The following ZFAND6 variants were observed in gnomAD, a reference collection of about 807,000 sequenced individuals.
ZFAND6 encodes zinc finger AN1-type containing 6.
In ZFAND6, 12 loss-of-function variants were observed where a neutral mutation model predicts 24.5. The observed-to-expected ratio is 0.49, with a 90% confidence interval of 0.31 to 0.79. The LOEUF is 0.79. Ranked by LOEUF, ZFAND6 falls within the 30% of genes least tolerant of loss-of-function variation. ZFAND6 has a pLI of 0.04. For synonymous variants in ZFAND6, 92 were observed against 81.5 expected, an observed-to-expected ratio of 1.13 and a Z score of -0.69; for missense variants, 207 against 245.9, an observed-to-expected ratio of 0.84 and a Z score of 1.06.
At chr15:80,090,532 A>G (rs1448032352) in intron 1 of ZFAND6, among the ~76,000 whole-genome samples, 1 of 152,200 alleles carries the variant, frequency 6.6e-6, no homozygotes, top group Non-Finnish European at 1.5e-5. Context: ...TTCTGTTCTT[A>G]CTATTTGTCC....
At chr15:80,103,856 G>A (rs2039166313) in intron 2 of ZFAND6, among the ~76,000 whole-genome samples, 2 of 152,110 alleles carry the variant, frequency 1.3e-5, no homozygotes, top group Middle Eastern at 3.4e-3. Context: ...TATTATTATT[G>A]TTTTTTTAAG....
At chr15:80,103,533 G>A (rs1041830667) in intron 2 of ZFAND6, among the ~76,000 whole-genome samples, 4 of 152,268 alleles carry the variant, frequency 2.6e-5, no homozygotes, top group South Asian at 2.1e-4. Flanking sequence ...ATATCAGCCC[G>A]ACCTCAGATT....
At chr15:80,069,861 C>T (rs1466369651) in intron 1 of ZFAND6, among the ~76,000 whole-genome samples, 2 of 152,104 alleles carry the variant, frequency 1.3e-5, no homozygotes, top group African/African-American at 2.4e-5. Context: ...CCTGCCTCTG[C>T]CTCCGAAAGT....
At chr15:80,121,527 AAATTAAC>A (rs1256738829) in intron 3 of ZFAND6, among the ~76,000 whole-genome samples, 178 bp from the exon 4 acceptor site, 2 of 152,244 alleles carry the variant, frequency 1.3e-5, no homozygotes, top group Non-Finnish European at 2.9e-5. Flanking sequence ...TCTTGGTTTA[AAATTAAC>A]ATATTTTTCA....
At chr15:80,131,466 A>G (rs945030123) in intron 6 of ZFAND6, 173 bp downstream of exon 6, 13 of 500,946 alleles carry the variant, frequency 2.6e-5, no homozygotes, top group Non-Finnish European at 3.8e-5. Flanking sequence ...TATACACCTA[A>G]AAGTGAAATG....
chr15:80,109,825 C>G (rs1241417251), intron 2 of ZFAND6, among the ~76,000 whole-genome samples: 1 of 152,160 alleles, frequency 6.6e-6, no homozygotes, highest in Admixed American at 6.5e-5. Flanking sequence ...AAGAAACTAA[C>G]CCAAAATTCA....
intron 1 of ZFAND6, among the ~76,000 whole-genome samples, chr15:80,079,408 G>A (rs1053317871): frequency 6.6e-5 from 10 of 151,720 alleles, no homozygotes; most frequent in African/African-American, 2.4e-4. Context: ...TTTTAGTAGA[G>A]ACGGGGTTTC....
chr15:80,090,163 A>G (rs538451507), intron 1 of ZFAND6, among the ~76,000 whole-genome samples: 8 of 152,358 alleles, frequency 5.3e-5, no homozygotes, highest in South Asian at 2.1e-4. Context: ...TTACGTAGCT[A>G]TTAAGTAGTA....
chr15:80,131,934 G>T (rs1324227555), intron 6 of ZFAND6, among the ~76,000 whole-genome samples: 1 of 152,192 alleles, frequency 6.6e-6, no homozygotes, highest in Non-Finnish European at 1.5e-5. Context: ...GAATGTTTCA[G>T]TGTGTCTTGA....
chr15:80,120,557 G>A (rs916409538), intron 3 of ZFAND6, 59 bp downstream of exon 3: 24 of 1,359,692 alleles, frequency 1.8e-5, no homozygotes, highest in South Asian at 7.9e-5. Context: ...TGGATATTTC[G>A]GTATACCCAA....
At chr15:80,063,854 A>G (rs2036467983) in intron 1 of ZFAND6, among the ~76,000 whole-genome samples, 1 of 152,044 alleles carries the variant, frequency 6.6e-6, no homozygotes, top group Non-Finnish European at 1.5e-5. Flanking sequence ...CCCGGCCTAA[A>G]TTTTTATGTT....
At chr15:80,070,340 GT>G (rs1163795807) in intron 1 of ZFAND6, among the ~76,000 whole-genome samples, 2 of 152,136 alleles carry the variant, frequency 1.3e-5, no homozygotes, top group Non-Finnish European at 2.9e-5. Context: ...AAAAAGTGTT[GT>G]TACTGCATGC....
chr15:80,103,326 C>T (rs1303996012), intron 2 of ZFAND6, among the ~76,000 whole-genome samples: 1 of 152,130 alleles, frequency 6.6e-6, no homozygotes, highest in Non-Finnish European at 1.5e-5. Context: ...TCAGTGAGCA[C>T]TTACTCTAAT....
intron 1 of ZFAND6, among the ~76,000 whole-genome samples, chr15:80,091,890 T>G (rs986932911): frequency 6.6e-6 from 1 of 152,166 alleles, no homozygotes; most frequent in African/African-American, 2.4e-5. Context: ...TCCTCTCACC[T>G]CAGCCTCCCA....
chr15:80,121,725 T>A lies in ZFAND6; in HGVS notation c.168T>A (p.Ser56Arg), dbSNP rs1418534584. Residue 56 changes from serine (S) to arginine (R), a missense_variant, in exon 4 of 7, where the codon AGT (serine) becomes AGA (arginine). This residue lies in a region of ZFAND6 where 133 missense variants were observed against 122.8 expected (regional missense o/e 1.08). Transcript: ENST00000261749. ...GTACTGTTACAGCAACCTCTGTCAG[T>A]AGTCTGTCTGAATCTTTACCAGTTC... is the stretch of plus-strand genomic sequence containing the variant. ...GRISPPATSV[S>R]SLSESLPVQC... 6.2e-7 allele frequency: 1 copy of A among 1,613,826 alleles called. No individual in the cohort carries two copies. The highest frequency in any genetic ancestry group is 1.1e-5 in the South Asian group (1 of 91,068).
chr15:80,070,138 C>G (rs1413991257), intron 1 of ZFAND6, among the ~76,000 whole-genome samples: 1 of 152,164 alleles, frequency 6.6e-6, no homozygotes, highest in Non-Finnish European at 1.5e-5. Context: ...TGTATATATT[C>G]TGCCAAAAGT....
At chr15:80,112,327 T>C (rs188492661) in intron 2 of ZFAND6, among the ~76,000 whole-genome samples, 22 of 152,356 alleles carry the variant, frequency 1.4e-4, no homozygotes, top group African/African-American at 5.3e-4. Flanking sequence ...CCTATACTTT[T>C]ATCAGAGTGA....
chr15:80,092,661 CAGT>C (rs1261382194), intron 1 of ZFAND6, among the ~76,000 whole-genome samples: 3 of 152,092 alleles, frequency 2.0e-5, no homozygotes, highest in Non-Finnish European at 4.4e-5. Context: ...TGCACGTAAT[CAGT>C]GGTGGGTGAA....
At chr15:80,134,242 A>G (rs1252992933) in intron 6 of ZFAND6, among the ~76,000 whole-genome samples, 1 of 152,134 alleles carries the variant, frequency 6.6e-6, no homozygotes, top group Non-Finnish European at 1.5e-5. Context: ...CGTCCACCTC[A>G]GCCTCCCAAA....
Sources: allele counts gnomAD v4.1 joint callset (sites outside exome capture counted in the v4.1 genomes callset), GRCh38; gene constraint gnomAD v4.1.1; regional missense constraint gnomAD v4.1.1; transcripts MANE v1.5; gene names NCBI Gene and HGNC (gene_info 2026-07-23, HGNC 2026-07-21).